Variants in OGDH observed in about 807,000 individuals in gnomAD.
OGDH encodes oxoglutarate dehydrogenase.
OGDH carries 38 observed loss-of-function variants against 116.6 expected under a neutral mutation model. That is an observed-to-expected ratio of 0.33 (90% CI 0.25 to 0.43). The LOEUF (loss-of-function observed/expected upper bound fraction) is 0.43, where lower values mean the gene tolerates loss of function less well. Ranked by LOEUF, OGDH falls within the 20% of genes least tolerant of loss-of-function variation. The pLI, the probability that OGDH is intolerant of heterozygous loss-of-function variation, is 1.00. For synonymous variants in OGDH, 488 were observed against 533.3 expected, an observed-to-expected ratio of 0.92 and a Z score of 1.17; for missense variants, 825 against 1,357.2, an observed-to-expected ratio of 0.61 and a Z score of 6.16.
intron 19 of OGDH, among the ~76,000 whole-genome samples, chr7:44,700,840 G>A (rs1464244347): frequency 3.9e-5 from 6 of 152,042 alleles, no homozygotes; most frequent in Non-Finnish European, 5.9e-5. Context: ...GTGAAACCCC[G>A]TCTCTACCAA....
intron 1 of OGDH, among the ~76,000 whole-genome samples, chr7:44,620,063 C>G (rs1017475144): frequency 6.6e-6 from 1 of 152,182 alleles, no homozygotes; most frequent in African/African-American, 2.4e-5. Flanking sequence ...CTCTGTCACT[C>G]AGGCTGGAGT....
intron 1 of OGDH, among the ~76,000 whole-genome samples, chr7:44,618,957 C>A (rs998308171): frequency 6.6e-6 from 1 of 152,170 alleles, no homozygotes; most frequent in Admixed American, 6.5e-5. Context: ...TAGATCATAC[C>A]CTTTTTGCCT....
intron 18 of OGDH, among the ~76,000 whole-genome samples, chr7:44,699,412 G>T (rs1269618487): frequency 7.3e-6 from 1 of 136,624 alleles, no homozygotes; most frequent in Non-Finnish European, 1.5e-5. Flanking sequence ...GCGACAGAGG[G>T]AGACTCCTGT....
chr7:44,619,486 C>T (rs1784927545), intron 1 of OGDH, among the ~76,000 whole-genome samples: 1 of 152,186 alleles, frequency 6.6e-6, no homozygotes, highest in South Asian at 2.1e-4. Context: ...GAGGAATAGA[C>T]TCATAATATG....
At chr7:44,704,387 T>A (rs7796152) in intron 20 of OGDH, among the ~76,000 whole-genome samples, 3,409 of 152,158 alleles carry the variant, frequency 0.022, 119 homozygotes, top group African/African-American at 0.078. Context: ...TTTTTTTTTT[T>A]AATTTAATTT....
At chr7:44,623,461 A>C (rs898449848) in intron 1 of OGDH, among the ~76,000 whole-genome samples, 3 of 152,246 alleles carry the variant, frequency 2.0e-5, no homozygotes, top group African/African-American at 7.2e-5. Flanking sequence ...TAAGTACAGC[A>C]GGTACTCAGT....
At chr7:44,614,152 C>T (rs1784676921) in intron 1 of OGDH, among the ~76,000 whole-genome samples, 1 of 150,804 alleles carries the variant, frequency 6.6e-6, no homozygotes, top group Non-Finnish European at 1.5e-5. Flanking sequence ...TAGGGTCTTG[C>T]TCTGTTGCCA....
Position 44,697,084 on chromosome 7 carries a change from TGTTTGCCCTCC to T in OGDH, c.2051+21_2051+31del. ...ATTCAGGTAACGTTCTGGGCAGTTT[TGTTTGCCCTCC>T]AAAGAGTAGAAGATGGAAAGGGAGG... On this transcript the variant is annotated intron_variant, in intron 15 of 22. Transcript: ENST00000222673. The surrounding 1 kb of genome is among the most constrained non-coding windows in gnomAD (Gnocchi z 6.0). 2 of 1,604,440 alleles carry T rather than the reference TGTTTGCCCTCC, an allele frequency of 1.2e-6. No individual in the cohort carries two copies. The highest frequency in any genetic ancestry group is 2.7e-5 in the African/African-American group (2 of 74,858).
intron 1 of OGDH, among the ~76,000 whole-genome samples, chr7:44,610,022 C>T (rs528616256): frequency 6.6e-6 from 1 of 152,224 alleles, no homozygotes; most frequent in Admixed American, 6.5e-5. Flanking sequence ...TGCTATGTTG[C>T]CCAGGCTGGT....
intron 1 of OGDH, among the ~76,000 whole-genome samples, chr7:44,621,611 C>T (rs1167076707): frequency 6.6e-6 from 1 of 152,136 alleles, no homozygotes; most frequent in East Asian, 1.9e-4. Flanking sequence ...TGGTGGCTCA[C>T]GCCTGTAATA....
At position 44,707,203 on chromosome 7, in the gene OGDH, A is replaced by G. The variant is rs1789116758; in HGVS notation, c.2633-22A>G. 3 of 1,613,076 alleles carry G rather than the reference A, an allele frequency of 1.9e-6. No homozygotes were observed. The highest frequency in any genetic ancestry group is 2.5e-6 in the Non-Finnish European group (3 of 1,179,384). ...GCCACATACCTGAGAGAACCAGCCT[A>G]GCCATGGGAACTCTCTTGTAGGAAC... is the stretch of plus-strand genomic sequence containing the variant. On this transcript the variant is annotated intron_variant, in intron 20 of 22. Coordinates refer to ENST00000222673, the MANE Select transcript of OGDH (RefSeq NM_002541.4). This position sits in a 1 kb window ranked among gnomAD's most constrained non-coding sequence, Gnocchi z 5.2.
At chr7:44,668,494 A>G (rs931768704) in intron 5 of OGDH, among the ~76,000 whole-genome samples, 1 of 152,176 alleles carries the variant, frequency 6.6e-6, no homozygotes, top group Non-Finnish European at 1.5e-5. Context: ...GTTTGTGATG[A>G]GCATCCTGAA....
At chr7:44,645,621 T>G (rs1317622096) in intron 3 of OGDH, 103 bp downstream of exon 3, 4 of 1,069,490 alleles carry the variant, frequency 3.7e-6, no homozygotes, top group Non-Finnish European at 2.7e-6. Context: ...GTCACTTTAC[T>G]TATACCTCCT....
At position 44,624,444 on chromosome 7, in the gene OGDH, T is replaced by G; in HGVS notation, c.101T>G (p.Phe34Cys). Reference sequence around the variant, plus strand: ...AACAGACCAGCAGCAGCTAGGACATTTCAACAGATTCGGTGCTATTCTGCA... The same window carrying G: ...AACAGACCAGCAGCAGCTAGGACATGTCAACAGATTCGGTGCTATTCTGCA... ...SQNRPAAART[F>C]QQIRCYSAPV... The change falls in exon 2 of 23, where the codon TTT becomes TGT. Residue 34 changes from phenylalanine (F) to cysteine (C), a missense_variant. Physicochemically the swap from Phe to Cys is radical, Grantham distance 205. Around this residue, in one of 7 missense-constraint regions of OGDH, gnomAD observed 126 missense variants for 130.4 expected, o/e 0.97. Coordinates refer to ENST00000222673, the MANE Select transcript of OGDH (RefSeq NM_002541.4). 1 of 1,613,824 alleles carries G rather than the reference T, an allele frequency of 6.2e-7. No individual in the cohort carries two copies. The highest frequency in any genetic ancestry group is 8.5e-7 in the Non-Finnish European group (1 of 1,179,980).
chr7:44,701,655 A>G (rs1162415721), intron 20 of OGDH, 40 bp downstream of exon 20: 1 of 1,562,326 alleles, frequency 6.4e-7, no homozygotes, highest in Non-Finnish European at 8.8e-7. Context: ...GGGGGAAGCT[A>G]TGTTTGGGGC....
intron 10 of OGDH, among the ~76,000 whole-genome samples, chr7:44,683,857 G>A (rs992240236): frequency 6.6e-6 from 1 of 152,138 alleles, no homozygotes; most frequent in African/African-American, 2.4e-5. Flanking sequence ...TCATCGATGC[G>A]TGTGAAGTTT....
At chr7:44,638,548 A>C (rs950840238) in intron 2 of OGDH, among the ~76,000 whole-genome samples, 12 of 152,222 alleles carry the variant, frequency 7.9e-5, no homozygotes, top group African/African-American at 2.7e-4. Flanking sequence ...AGTAGAAGTC[A>C]CTGCCCCTGC....
In OGDH at chr7:44,647,395, C is replaced by G; in HGVS notation, c.415-262C>G. On this transcript the variant is annotated intron_variant, in intron 3 of 22. Coordinates refer to ENST00000222673, the MANE Select transcript of OGDH (RefSeq NM_002541.4). ...AACCTGTGACTCTTTTAACCCTCCC[C>G]ACAGCTCACTGGATCTGCTTAATGA... 3.8e-6 allele frequency: 5 copies of G among 1,323,834 alleles called. No homozygotes were observed. The Admixed American group carries it at 9.9e-5, about 26-fold the overall frequency. The allele number at this position is 1,323,834 out of a possible 1,614,324, so 82.0% of individuals were successfully genotyped here.
At chr7:44,642,037 C>T (rs980718439) in intron 2 of OGDH, among the ~76,000 whole-genome samples, 1 of 152,282 alleles carries the variant, frequency 6.6e-6, no homozygotes, top group South Asian at 2.1e-4. Context: ...TTCATGAGAA[C>T]CGATTTAATG....
Sources: gnomAD v4.1 joint callset for allele counts (sites outside exome capture counted in the v4.1 genomes callset) on GRCh38, gnomAD v4.1.1 for gene constraint, gnomAD v4.1.1 regional missense constraint, Gnocchi (gnomAD v3.1) non-coding constraint, MANE v1.5 for transcripts, NCBI Gene and HGNC (gene_info 2026-07-23, HGNC 2026-07-21) for gene names.